Variants in RNF130 observed in about 807,000 individuals in gnomAD.
RNF130 encodes the protein ring finger protein 130, also known as E3 ubiquitin-protein ligase RNF130.
A neutral mutation model predicts 44.6 loss-of-function variants in RNF130; 21 were observed. That is an observed-to-expected ratio of 0.47 (90% CI 0.33 to 0.68). The LOEUF (loss-of-function observed/expected upper bound fraction) is 0.68. Ranked by LOEUF, RNF130 falls within the 30% of genes least tolerant of loss-of-function variation. The pLI, the probability that RNF130 is intolerant of heterozygous loss-of-function variation, is 0.02. For missense variants in RNF130, 479 were observed against 560.6 expected, an observed-to-expected ratio of 0.85 and a Z score of 1.47; for synonymous variants, 214 against 210.4, an observed-to-expected ratio of 1.02 and a Z score of -0.15.
intron 3 of RNF130, among the ~76,000 whole-genome samples, chr5:179,983,157 G>T (rs1245057998): frequency 6.6e-6 from 1 of 152,088 alleles, no homozygotes; most frequent in Non-Finnish European, 1.5e-5. Flanking sequence ...TTAATTTGAT[G>T]AAGTCGATTA....
At chr5:180,025,760 C>T (rs1241458042) in intron 2 of RNF130, among the ~76,000 whole-genome samples, 2 of 152,272 alleles carry the variant, frequency 1.3e-5, no homozygotes, top group African/African-American at 2.4e-5. Flanking sequence ...TTCCAAGCTC[C>T]ATCTTTTCTG....
chr5:180,023,851 G>A (rs11750102), intron 2 of RNF130, among the ~76,000 whole-genome samples: 121,899 of 152,192 alleles, frequency 0.8, 49,031 homozygotes, highest in South Asian at 0.93. Flanking sequence ...GTGCACAGTG[G>A]TGTCAAAAGT....
exon 8 of RNF130, chr5:179,916,112 C>T (rs1324308828): frequency 1.3e-5 from 2 of 152,218 alleles, no homozygotes; most frequent in Admixed American, 1.3e-4. Flanking sequence ...AGGAGCCACA[C>T]TGTCACTTGC....
Position 180,071,713 on chromosome 5 carries a change from G to C in RNF130, c.-11C>G. The C allele has an allele frequency of 7.9e-7, 1 of 1,261,782 alleles. No individual in the cohort carries two copies. Among genetic ancestry groups the C allele is most frequent in the South Asian group, 2.8e-5 (1 of 36,024 alleles). The allele number at this position is 1,261,782 out of a possible 1,614,324, so 78.2% of individuals were successfully genotyped here. ...CCCCGCGCAGCTCATCGTCCCTCCG[G>C]CAGCCGCCGCTGCTCGCGGACCGGG... On this transcript the variant is annotated 5_prime_UTR_variant, in exon 1 of 9. Transcript: ENST00000521389.
At chr5:179,978,166 A>G in intron 5 of RNF130, 37 bp downstream of exon 5, 4 of 1,526,680 alleles carry the variant, frequency 2.6e-6, no homozygotes, top group Non-Finnish European at 3.6e-6. Context: ...AAAGCACATT[A>G]ATATCATTCT....
At chr5:180,012,477 C>G (rs1419998194) in intron 3 of RNF130, among the ~76,000 whole-genome samples, 1 of 152,130 alleles carries the variant, frequency 6.6e-6, no homozygotes, top group Non-Finnish European at 1.5e-5. Context: ...GGGAAGCACA[C>G]TGCTTTTCCT....
At chr5:180,039,454 T>G (rs572116290) in intron 2 of RNF130, among the ~76,000 whole-genome samples, 2 of 152,118 alleles carry the variant, frequency 1.3e-5, no homozygotes, top group East Asian at 3.9e-4. Flanking sequence ...GCCAGGGTGG[T>G]TTCAAACTCC....
chr5:179,994,079 G>A (rs1166143040), intron 3 of RNF130, among the ~76,000 whole-genome samples: 8 of 152,100 alleles, frequency 5.3e-5, no homozygotes, highest in Non-Finnish European at 8.8e-5. Flanking sequence ...TGTTCCATTG[G>A]TCTATATCTC....
At chr5:180,032,215 A>AT (rs777414950) in intron 2 of RNF130, among the ~76,000 whole-genome samples, 1 of 152,024 alleles carries the variant, frequency 6.6e-6, no homozygotes, top group South Asian at 2.1e-4. Context: ...ATAAAATCTA[A>AT]TTTTTTTTAT....
intron 7 of RNF130, among the ~76,000 whole-genome samples, chr5:179,939,057 C>T (rs1484854320): frequency 1.3e-5 from 2 of 152,006 alleles, no homozygotes; most frequent in Non-Finnish European, 2.9e-5. Flanking sequence ...GGTGAGACCC[C>T]ATCTCTACTA....
chr5:179,934,861 T>C (rs1324369873), intron 7 of RNF130, among the ~76,000 whole-genome samples: 2 of 152,154 alleles, frequency 1.3e-5, no homozygotes, highest in African/African-American at 4.8e-5. Context: ...TGGTTGATTT[T>C]TTTTCTATTG....
intron 2 of RNF130, among the ~76,000 whole-genome samples, chr5:180,014,977 C>A (rs1354202433): frequency 2.6e-5 from 4 of 151,818 alleles, no homozygotes; most frequent in African/African-American, 2.4e-5. Context: ...CAGAGCAAGA[C>A]CCTCAAAAAA....
At chr5:179,945,700 G>C (rs933844365) in intron 7 of RNF130, among the ~76,000 whole-genome samples, 1 of 152,072 alleles carries the variant, frequency 6.6e-6, no homozygotes, top group African/African-American at 2.4e-5. Context: ...GACTCCAGAG[G>C]GACAATGGAA....
intron 7 of RNF130, among the ~76,000 whole-genome samples, chr5:179,940,419 C>A (rs1761955479): frequency 6.6e-6 from 1 of 151,928 alleles, no homozygotes; most frequent in South Asian, 2.1e-4. Context: ...TGGGGTTTCA[C>A]CATGTTGGCC....
chr5:180,065,135 TAA>T (rs34442402), intron 1 of RNF130, among the ~76,000 whole-genome samples: 11 of 147,044 alleles, frequency 7.5e-5, no homozygotes, highest in African/African-American at 7.5e-5. Context: ...AGAATGAATT[TAA>T]AAAAAAAAAA....
intron 5 of RNF130, among the ~76,000 whole-genome samples, chr5:179,973,828 G>A (rs1173120143): frequency 1.3e-5 from 2 of 152,078 alleles, no homozygotes; most frequent in Non-Finnish European, 2.9e-5. Flanking sequence ...CGGAAAGCAG[G>A]TAACGTGGAC....
chr5:180,027,010 C>T (rs1393602202), intron 2 of RNF130, among the ~76,000 whole-genome samples: 1 of 152,194 alleles, frequency 6.6e-6, no homozygotes, highest in African/African-American at 2.4e-5. Flanking sequence ...TCAGTAAGGG[C>T]AATGATCCGG....
intron 3 of RNF130, among the ~76,000 whole-genome samples, chr5:179,988,259 G>T (rs77952531): frequency 0.012 from 1,834 of 152,164 alleles, 43 homozygotes; most frequent in African/African-American, 0.042. Context: ...ATGATCCTTT[G>T]TATTTTGTTG....
intron 7 of RNF130, among the ~76,000 whole-genome samples, chr5:179,966,053 T>C (rs568942074): frequency 6.9e-4 from 105 of 152,134 alleles, no homozygotes; most frequent in Non-Finnish European, 1.2e-3. Flanking sequence ...AAGGAACATG[T>C]AGAGAATGGA....
Sources: allele counts gnomAD v4.1 joint callset (sites outside exome capture counted in the v4.1 genomes callset), GRCh38; gene constraint gnomAD v4.1.1; transcripts MANE v1.5; gene names NCBI Gene and HGNC (gene_info 2026-07-23, HGNC 2026-07-21).